Variants in RAB27B observed in about 807,000 individuals in gnomAD.
RAB27B encodes RAB27B, member RAS oncogene family, also known as ras-related protein Rab-27B.
Under a neutral mutation model 24.6 loss-of-function variants are expected in RAB27B, and 15 were observed. That is an observed-to-expected ratio of 0.61 (90% confidence interval 0.41 to 0.94). The LOEUF (loss-of-function observed/expected upper bound fraction) is 0.94. Ranked by LOEUF, RAB27B falls within the 40% of genes least tolerant of loss-of-function variation. The probability of loss-of-function intolerance (pLI) is 0.00; values close to 1 mark genes in which losing one functional copy is unlikely to be tolerated. For missense variants in RAB27B, 261 were observed against 266.8 expected (o/e 0.98, Z 0.15); for synonymous variants, 105 against 92.5 (o/e 1.14, Z -0.78).
At chr18:54,734,816 A>G (rs1909841610) in intron 2 of RAB27B, among the ~76,000 whole-genome samples, 1 of 152,218 alleles carries the variant, frequency 6.6e-6, no homozygotes, top group Non-Finnish European at 1.5e-5. Flanking sequence ...ATAAGATAAA[A>G]GAACAAATTT....
chr18:54,812,119 T>C (rs139897395), intron 2 of RAB27B, among the ~76,000 whole-genome samples: 1,610 of 152,328 alleles, frequency 0.011, 16 homozygotes, highest in Non-Finnish European at 0.013. Context: ...ATTGTCTTTA[T>C]GAATGAATAC....
At chr18:54,803,364 C>T (rs1253491218) in intron 2 of RAB27B, among the ~76,000 whole-genome samples, 1 of 152,110 alleles carries the variant, frequency 6.6e-6, no homozygotes, top group Non-Finnish European at 1.5e-5. Flanking sequence ...TCAGAGAAAA[C>T]ACAAGAAGGC....
intron 1 of RAB27B, among the ~76,000 whole-genome samples, chr18:54,836,445 A>T (rs867176298): frequency 1.3e-5 from 2 of 151,882 alleles, no homozygotes; most frequent in Non-Finnish European, 2.9e-5. Context: ...GATTTTAGTA[A>T]AACAAAGCCT....
intron 2 of RAB27B, among the ~76,000 whole-genome samples, chr18:54,768,717 G>A (rs975998235): frequency 6.6e-6 from 1 of 152,126 alleles, no homozygotes; most frequent in African/African-American, 2.4e-5. Context: ...TTAAAATCAT[G>A]GTGGAAGGTA....
rs746978838 is a variant in RAB27B, at chr18:54,884,369, C to T, written c.276C>T (p.Ala92=). 14 of 1,612,814 alleles carry T rather than the reference C, an allele frequency of 8.7e-6. No homozygotes were observed. Among genetic ancestry groups the T allele is most frequent in the Admixed American group, 3.3e-5 (2 of 59,966 alleles). ...RSLTTAFFRD[A]MGFLLMFDLT... ...TCACCACTGCATTTTTCAGAGACGC[C>T]ATGGGCTTCTTATTAATGTTTGACC... The change falls in exon 4 of 6, where the codon GCC becomes GCT. Residue 92 remains alanine (A), a synonymous_variant. Coordinates refer to ENST00000262094, the MANE Select transcript of RAB27B (RefSeq NM_004163.4).
intron 2 of RAB27B, among the ~76,000 whole-genome samples, chr18:54,807,748 C>T (rs927118486): frequency 2.6e-5 from 4 of 152,212 alleles, no homozygotes; most frequent in Non-Finnish European, 4.4e-5. Flanking sequence ...TTGATCTACA[C>T]TTGACATGTG....
chr18:54,770,770 G>A (rs902860200), intron 2 of RAB27B, among the ~76,000 whole-genome samples: 2 of 151,756 alleles, frequency 1.3e-5, no homozygotes, highest in African/African-American at 4.8e-5. Flanking sequence ...TTGTTTAATA[G>A]CAGACGTATA....
chr18:54,798,574 C>T (rs1395303619), intron 2 of RAB27B, among the ~76,000 whole-genome samples: 1 of 152,182 alleles, frequency 6.6e-6, no homozygotes. Context: ...TTCCATTCAG[C>T]ATAGGTGAGT....
At chr18:54,755,438 G>A (rs1008215504) in intron 2 of RAB27B, among the ~76,000 whole-genome samples, 4 of 151,948 alleles carry the variant, frequency 2.6e-5, no homozygotes, top group African/African-American at 9.7e-5. Context: ...ACCTGAAAAG[G>A]GTTTTGTATT....
At chr18:54,883,388 T>C (rs1913005942) in intron 3 of RAB27B, among the ~76,000 whole-genome samples, 1 of 152,102 alleles carries the variant, frequency 6.6e-6, no homozygotes, top group African/African-American at 2.4e-5. Flanking sequence ...AAGGCTAAAA[T>C]AGGAGACCAA....
chr18:54,864,148 A>G (rs1454833599), intron 1 of RAB27B, among the ~76,000 whole-genome samples: 1 of 151,860 alleles, frequency 6.6e-6, no homozygotes, highest in Non-Finnish European at 1.5e-5. Flanking sequence ...GAGGGTTGCA[A>G]CTTTCCACAT....
intron 2 of RAB27B, among the ~76,000 whole-genome samples, chr18:54,795,325 T>C (rs1312134937): frequency 6.6e-6 from 1 of 152,150 alleles, no homozygotes; most frequent in Non-Finnish European, 1.5e-5. Context: ...GTATTATGGA[T>C]GTACATGTGT....
At chr18:54,864,552 ACTTACT>A (rs1196194409) in intron 1 of RAB27B, among the ~76,000 whole-genome samples, 3 of 151,696 alleles carry the variant, frequency 2.0e-5, no homozygotes, top group African/African-American at 7.3e-5. Context: ...AGTTATGAAG[ACTTACT>A]CTTATATTTT....
chr18:54,841,550 A>T (rs1911122138), intron 1 of RAB27B, among the ~76,000 whole-genome samples: 1 of 152,204 alleles, frequency 6.6e-6, no homozygotes, highest in South Asian at 2.1e-4. Flanking sequence ...GAATTGGCAG[A>T]TGCTGTGGTA....
intron 2 of RAB27B, among the ~76,000 whole-genome samples, chr18:54,730,909 T>C (rs1298329599): frequency 1.3e-5 from 2 of 152,208 alleles, no homozygotes; most frequent in Admixed American, 6.6e-5. Flanking sequence ...TTGTTTACAT[T>C]GTTACTGTTT....
chr18:54,780,143 C>A (rs930280331), intron 2 of RAB27B, among the ~76,000 whole-genome samples: 2 of 145,374 alleles, frequency 1.4e-5, no homozygotes, highest in African/African-American at 5.2e-5. Context: ...TTCCCCCTCA[C>A]CCTGTCTCCC....
At chr18:54,785,108 C>T (rs1470946178) in intron 2 of RAB27B, among the ~76,000 whole-genome samples, 5 of 148,758 alleles carry the variant, frequency 3.4e-5, no homozygotes, top group Non-Finnish European at 7.5e-5. Flanking sequence ...GCTGAATGTT[C>T]TTTTTTTTTT....
intron 2 of RAB27B, among the ~76,000 whole-genome samples, chr18:54,722,281 G>T (rs915488798): frequency 6.6e-6 from 1 of 152,148 alleles, no homozygotes; most frequent in South Asian, 2.1e-4. Context: ...GAAAAAGAAA[G>T]AATTGTTTCC....
At chr18:54,812,723 A>T (rs1011478937) in intron 2 of RAB27B, among the ~76,000 whole-genome samples, 4 of 152,084 alleles carry the variant, frequency 2.6e-5, no homozygotes, top group African/African-American at 9.7e-5. Context: ...TTAAGAATTA[A>T]TTTTTAATAC....
Sources: allele counts gnomAD v4.1 joint callset (sites outside exome capture counted in the v4.1 genomes callset), GRCh38; gene constraint gnomAD v4.1.1; transcripts MANE v1.5; gene names NCBI Gene and HGNC (gene_info 2026-07-23, HGNC 2026-07-21).